EML1: variants seen among roughly 807,000 people sequenced by gnomAD.
The protein encoded by EML1 is EMAP like 1.
EML1 carries 27 observed loss-of-function variants against 110.4 expected under a neutral mutation model. The ratio of observed to expected loss-of-function variants is 0.24; its 90% CI spans 0.18 to 0.34. The LOEUF is 0.34. Ranked by LOEUF, EML1 falls within the 10% of genes least tolerant of loss-of-function variation. The probability of loss-of-function intolerance (pLI) is 1.00; values close to 1 mark genes in which losing one functional copy is unlikely to be tolerated. For missense variants in EML1, 741 were observed against 1,030.9 expected (o/e 0.72, Z 3.85); for synonymous variants, 344 against 385.8 (o/e 0.89, Z 1.27).
At chr14:99,870,080 C>A (rs370626721) in intron 3 of EML1, among the ~76,000 whole-genome samples, 1 of 152,188 alleles carries the variant, frequency 6.6e-6, no homozygotes, top group African/African-American at 2.4e-5. Flanking sequence ...GTTATAGATG[C>A]AAAGAAAAAG....
chr14:99,882,519 T>G (rs1343978186), intron 4 of EML1, among the ~76,000 whole-genome samples: 1 of 152,220 alleles, frequency 6.6e-6, no homozygotes, highest in African/African-American at 2.4e-5. Flanking sequence ...CTAGAAACTT[T>G]GTTGTCACAT....
rs1025098996 is a variant in EML1, at chr14:99,936,751, G to A, written c.2095+417G>A. Among the ~76,000 whole-genome samples, 7 of 152,152 alleles carry A rather than the reference G, an allele frequency of 4.6e-5. No individual in the cohort carries two copies. The highest frequency in any genetic ancestry group is 2.1e-4 in the South Asian group (1 of 4,828). On this transcript the variant is annotated intron_variant, in intron 19 of 21. Coordinates refer to ENST00000262233, the MANE Select transcript of EML1 (RefSeq NM_004434.3). This position sits in a 1 kb window ranked among gnomAD's most constrained non-coding sequence, Gnocchi z 5.5. ...TGAAGTCCATCCCCGCTGGGTGGACGGCAGCCCTGGGACCCCTCCTCCTCC... is the reference window on the plus strand; with the variant it reads ...TGAAGTCCATCCCCGCTGGGTGGACAGCAGCCCTGGGACCCCTCCTCCTCC...
At chr14:99,937,712 G>C in intron 19 of EML1, 105 bp from the exon 20 acceptor site, 1 of 959,556 alleles carries the variant, frequency 1.0e-6, no homozygotes, top group East Asian at 2.5e-5. Flanking sequence ...TCCCTCTCCA[G>C]GAAGGGCTCT....
In EML1 at chr14:99,939,751, A is replaced by C. The variant is rs915187306; in HGVS notation, c.2323-236A>C. 5.3e-5 allele frequency among the ~76,000 whole-genome samples: 8 copies of C among 151,916 alleles called. No individual in the cohort carries two copies. The highest frequency in any genetic ancestry group is 1.9e-4 in the African/African-American group (8 of 41,336). ...ACCTGGCACCTCTGATACTGAGCAT[A>C]TCTCTCGGCTGAGGGCGGTCATTTG... On this transcript the variant is annotated intron_variant, in intron 21 of 21. Transcript: ENST00000262233. The surrounding 1 kb of genome is among the most constrained non-coding windows in gnomAD (Gnocchi z 4.2).
At chr14:99,763,343 G>A (rs540251109) in intron 1 of EML1, among the ~76,000 whole-genome samples, 155 of 152,236 alleles carry the variant, frequency 1.0e-3, no homozygotes, top group African/African-American at 3.4e-3. Context: ...TATACTCACC[G>A]CTTCTCCAGA....
chr14:99,909,623 G>T lies in EML1; in HGVS notation c.1239+144G>T, dbSNP rs577897239. On this transcript the variant is annotated intron_variant, in intron 11 of 21. Transcript: ENST00000262233. Reference sequence around the variant, plus strand: ...AAGCGTGTCACACCTGGTAGATAACGCTGGTAATGAAGTGAAGAAAAGGAC... The same window carrying T: ...AAGCGTGTCACACCTGGTAGATAACTCTGGTAATGAAGTGAAGAAAAGGAC... 3.2e-5 allele frequency: 36 copies of T among 1,128,680 alleles called. No homozygotes were observed. The Admixed American group carries it at 8.2e-4, about 26-fold the overall frequency. The allele number at this position is 1,128,680 out of a possible 1,614,324, so 69.9% of individuals were successfully genotyped here. A position where few individuals can be genotyped will look rare whatever the true frequency, so the allele number is the denominator to read the frequency against.
At chr14:99,826,653 C>T (rs1473384944) in intron 1 of EML1, among the ~76,000 whole-genome samples, 3 of 151,736 alleles carry the variant, frequency 2.0e-5, no homozygotes, top group South Asian at 4.1e-4. Context: ...TGACTAACGC[C>T]ACTGCTGTGT....
At chr14:99,891,314 G>A in intron 5 of EML1, 87 bp downstream of exon 5, 1 of 1,548,352 alleles carries the variant, frequency 6.5e-7, no homozygotes. Flanking sequence ...AGCTTCAGGG[G>A]CCAGCCTTGG....
intron 1 of EML1, among the ~76,000 whole-genome samples, chr14:99,785,003 A>C (rs2057583134): frequency 1.3e-5 from 2 of 152,162 alleles, no homozygotes; most frequent in South Asian, 2.1e-4. Context: ...GGACCCTGAA[A>C]GCCAGTCTGC....
chr14:99,745,857 A>G (rs544392327), intron 1 of EML1, among the ~76,000 whole-genome samples: 1 of 152,256 alleles, frequency 6.6e-6, no homozygotes, highest in African/African-American at 2.4e-5. Flanking sequence ...ACGCTTACTG[A>G]GCCTGTGCTG....
rs367631645 is a variant in EML1, at chr14:99,851,330, CAG to C, written c.250+298_250+299del. Among the ~76,000 whole-genome samples, 30 of 151,552 alleles carry C rather than the reference CAG, an allele frequency of 2.0e-4. No homozygotes were observed. The East Asian group carries it at 5.3e-3, about 27-fold the overall frequency. ...GAGAACAGTTCTTTTTTTTTTGAGACAGAGTCTCGCTCTGTCGCCCAGGCTAG... is the reference window on the plus strand; with the variant it reads ...GAGAACAGTTCTTTTTTTTTTGAGACAGTCTCGCTCTGTCGCCCAGGCTAG... On this transcript the variant is annotated intron_variant, in intron 2 of 21. Coordinates refer to ENST00000262233, the MANE Select transcript of EML1 (RefSeq NM_004434.3).
At chr14:99,805,975 C>T (rs2057965516) in intron 1 of EML1, among the ~76,000 whole-genome samples, 1 of 152,116 alleles carries the variant, frequency 6.6e-6, no homozygotes, top group Non-Finnish European at 1.5e-5. Flanking sequence ...CCCCACTCTC[C>T]CCCGCCAGCT....
At chr14:99,770,807 C>T (rs927632030), upstream of EML1, among the ~76,000 whole-genome samples, 12 of 67,948 alleles carry the variant, frequency 1.8e-4, no homozygotes, top group African/African-American at 8.0e-4. Flanking sequence ...TTTTTTGAGA[C>T]GGAGTCTCGC....
chr14:99,833,351 C>G (rs1220472891), intron 1 of EML1, among the ~76,000 whole-genome samples: 3 of 152,142 alleles, frequency 2.0e-5, no homozygotes, highest in African/African-American at 7.2e-5. Context: ...ACTCTCTATT[C>G]TATTCTGTTG....
chr14:99,767,084 G>C (rs528346284), intron 1 of EML1, among the ~76,000 whole-genome samples: 43 of 152,298 alleles, frequency 2.8e-4, no homozygotes, highest in African/African-American at 9.1e-4. Flanking sequence ...AAGAAGGCAC[G>C]GTGAGAAACT....
intron 1 of EML1, among the ~76,000 whole-genome samples, chr14:99,744,562 G>T (rs994924236): frequency 1.1e-4 from 16 of 152,146 alleles, no homozygotes; most frequent in Admixed American, 8.5e-4. Context: ...TTCTTTGTTT[G>T]TTTTTCAAGT....
chr14:99,853,627 C>T (rs1202394318), intron 2 of EML1, among the ~76,000 whole-genome samples: 3 of 152,282 alleles, frequency 2.0e-5, no homozygotes, highest in Non-Finnish European at 4.4e-5. Flanking sequence ...AATATTTTGG[C>T]CTGCCATGCT....
chr14:99,912,131 C>A (rs540439378), intron 13 of EML1, among the ~76,000 whole-genome samples: 60 of 152,290 alleles, frequency 3.9e-4, no homozygotes, highest in African/African-American at 1.2e-3. Flanking sequence ...ATCCTCCCAC[C>A]TCAGCCTCCC....
chr14:99,801,459 C>A (rs2057877690), intron 1 of EML1, among the ~76,000 whole-genome samples: 1 of 151,878 alleles, frequency 6.6e-6, no homozygotes, highest in Admixed American at 6.6e-5. Flanking sequence ...ACTAAAAATA[C>A]CAAAAATTAG....
Sources: gnomAD v4.1 joint callset for allele counts (sites outside exome capture counted in the v4.1 genomes callset) on GRCh38, gnomAD v4.1.1 for gene constraint, Gnocchi (gnomAD v3.1) non-coding constraint, MANE v1.5 for transcripts, NCBI Gene and HGNC (gene_info 2026-07-23, HGNC 2026-07-21) for gene names.